The following ACSM1 variants were observed in gnomAD, a reference collection of about 807,000 sequenced individuals.
The protein encoded by ACSM1 is acyl-CoA synthetase medium chain family member 1.
Under a neutral mutation model 75.8 loss-of-function variants are expected in ACSM1, and 79 were observed. That is an observed-to-expected ratio of 1.04 (90% CI 0.87 to 1.26). The LOEUF (loss-of-function observed/expected upper bound fraction) is 1.26, where lower values mean the gene tolerates loss of function less well. Among genes scored for constraint, ACSM1 ranks in the 50% most tolerant of loss-of-function variants. ACSM1 has a pLI of 0.00. For synonymous variants in ACSM1, 279 were observed against 265.8 expected, an observed-to-expected ratio of 1.05 and a Z score of -0.48; for missense variants, 676 against 720.1, an observed-to-expected ratio of 0.94 and a Z score of 0.70.
chr16:20,652,542 G>C (rs1013240823), intron 7 of ACSM1, among the ~76,000 whole-genome samples: 2 of 151,782 alleles, frequency 1.3e-5, no homozygotes, highest in African/African-American at 2.4e-5. Flanking sequence ...ACAAGAAAGA[G>C]GGATATTTAA....
Position 20,640,542 on chromosome 16 carries a change from C to T in ACSM1, c.1035G>A (p.Glu345=). 3.1e-6 allele frequency: 5 copies of T among 1,614,168 alleles called. No homozygotes were observed. Among genetic ancestry groups the T allele is most frequent in the Non-Finnish European group, 3.4e-6 (4 of 1,180,020 alleles). ...PALEHCYTGG[E]VVLPKDQEEW... ...CCTCCTGATCCTTGGGCAACACGACCTCCCCGCCAGTATAGCAGTGCTCCA... is the reference window on the plus strand; with the variant it reads ...CCTCCTGATCCTTGGGCAACACGACTTCCCCGCCAGTATAGCAGTGCTCCA... Residue 345 remains glutamate, a synonymous_variant, in exon 8 of 14, where the codon GAG becomes GAA. Coordinates refer to ENST00000520010, the MANE Select transcript of ACSM1 (RefSeq NM_001318890.3).
Position 20,682,326 on chromosome 16 carries a change from A to AG in ACSM1, c.540dup (p.Ser181LeufsTer10). 6.2e-7 allele frequency: 1 copy of AG among 1,613,958 alleles called. No homozygotes were observed. Among genetic ancestry groups the AG allele is most frequent in the Non-Finnish European group, 8.5e-7 (1 of 1,179,964 alleles). On this transcript the variant is annotated frameshift_variant, in exon 4 of 14. Transcript: ENST00000520010. LOFTEE classifies it high-confidence loss of function. ...GACACCAGGAGCTTGGTTTTCAGAG[A>AG]GGGGCACTGAGAAGCTATGGAGTCC...
intron 6 of ACSM1, among the ~76,000 whole-genome samples, chr16:20,663,931 TC>T (rs1173164533): frequency 6.6e-6 from 1 of 152,088 alleles, no homozygotes; most frequent in African/African-American, 2.4e-5. Flanking sequence ...CTAAGGCCTT[TC>T]CCAGAAATTG....
chr16:20,697,316 C>T (rs1567318230), intron 1 of ACSM1, among the ~76,000 whole-genome samples: 1 of 152,126 alleles, frequency 6.6e-6, no homozygotes, highest in African/African-American at 2.4e-5. Context: ...TTCAAACATT[C>T]ATCTCTGACT....
chr16:20,695,651 T>C (rs1182039534), intron 1 of ACSM1, among the ~76,000 whole-genome samples: 1 of 151,004 alleles, frequency 6.6e-6, no homozygotes, highest in Non-Finnish European at 1.5e-5. Flanking sequence ...TCTATCTATC[T>C]ACCTATTACC....
At chr16:20,651,633 T>TAAAGA (rs1555469062) in intron 7 of ACSM1, among the ~76,000 whole-genome samples, 3 of 151,740 alleles carry the variant, frequency 2.0e-5, no homozygotes, top group Non-Finnish European at 2.9e-5. Flanking sequence ...AAAAAACAAA[T>TAAAGA]AAATAAAATA....
At chr16:20,647,431 C>T (rs2018427852) in intron 7 of ACSM1, among the ~76,000 whole-genome samples, 1 of 152,182 alleles carries the variant, frequency 6.6e-6, no homozygotes, top group South Asian at 2.1e-4. Flanking sequence ...GCAGGAATAT[C>T]ATCACCTCTA....
Position 20,685,846 on chromosome 16 carries a change from AC to A in ACSM1, c.193-444del, listed in dbSNP as rs1567311143. Reference sequence around the variant, plus strand: ...AAAAAAAAAAACAAACAAAAAAAAAACAAAAAACTTATAGCATCAGGAGAGG... The same window carrying A: ...AAAAAAAAAAACAAACAAAAAAAAAAAAAAAACTTATAGCATCAGGAGAGG... On this transcript the variant is annotated intron_variant, in intron 2 of 13. Transcript: ENST00000520010. Among the ~76,000 whole-genome samples, 951 of 102,624 alleles carry A rather than the reference AC, an allele frequency of 9.3e-3. 120 individuals are homozygous for A. Among genetic ancestry groups the A allele is most frequent in the African/African-American group, 0.021 (579 of 27,066 alleles). The allele number at this position is 102,624 out of a possible 152,430, so 67.3% of individuals were successfully genotyped here. A position where few individuals can be genotyped will look rare whatever the true frequency, so the allele number is the denominator to read the frequency against.
At chr16:20,664,652 A>C (rs1420412980) in intron 6 of ACSM1, among the ~76,000 whole-genome samples, 1 of 152,220 alleles carries the variant, frequency 6.6e-6, no homozygotes, top group East Asian at 1.9e-4. Context: ...GACCAATTGG[A>C]CCTAATAGAC....
chr16:20,640,346 A>G (rs1596815632), intron 8 of ACSM1, 115 bp downstream of exon 8: 1 of 1,226,878 alleles, frequency 8.2e-7, no homozygotes, highest in Non-Finnish European at 1.1e-6. Context: ...CCTCAAAATC[A>G]TCTTTGGGGA....
intron 6 of ACSM1, among the ~76,000 whole-genome samples, chr16:20,669,064 G>C (rs984823281): frequency 3.3e-5 from 5 of 152,078 alleles, no homozygotes; most frequent in Non-Finnish European, 4.4e-5. Context: ...CTCTGAGAGG[G>C]AAAGCAAGGG....
rs1337518503 is a variant in ACSM1, at chr16:20,675,496, G to A, written c.612-3825C>T. ...AACTCCTGTAATAGGACCCAGTCTG[G>A]TGGACCTTAGAGTGAAAGTGCACCT... On this transcript the variant is annotated intron_variant, in intron 4 of 13. Transcript: ENST00000520010. 2.0e-5 allele frequency among the ~76,000 whole-genome samples: 3 copies of A among 152,190 alleles called. No homozygotes were observed. The East Asian group carries it at 5.8e-4, about 29-fold the overall frequency.
intron 9 of ACSM1, 37 bp from the exon 10 acceptor site, chr16:20,636,877 G>A (rs763927113): frequency 1.2e-5 from 18 of 1,531,296 alleles, no homozygotes; most frequent in Admixed American, 1.7e-5. Context: ...CACTGCAGGA[G>A]GCCGCAGCCC....
At chr16:20,681,583 T>C (rs895887258) in intron 4 of ACSM1, 2 of 152,208 alleles carry the variant, frequency 1.3e-5, no homozygotes, top group African/African-American at 2.4e-5. Context: ...CAGTAATAAC[T>C]CAACACACTA....
At chr16:20,642,152 T>C (rs1473991340) in intron 7 of ACSM1, among the ~76,000 whole-genome samples, 1 of 152,188 alleles carries the variant, frequency 6.6e-6, no homozygotes, top group Non-Finnish European at 1.5e-5. Flanking sequence ...AGTCTTGGTT[T>C]GGTCAACGTG....
chr16:20,646,221 C>T (rs1260956052), intron 7 of ACSM1, among the ~76,000 whole-genome samples: 1 of 152,166 alleles, frequency 6.6e-6, no homozygotes, highest in East Asian at 1.9e-4. Context: ...CCTAATAGGG[C>T]CTGCTTCCAG....
At chr16:20,647,075 G>T (rs1032350551) in intron 7 of ACSM1, among the ~76,000 whole-genome samples, 2 of 152,224 alleles carry the variant, frequency 1.3e-5, no homozygotes, top group African/African-American at 4.8e-5. Flanking sequence ...CCTTCTGTTA[G>T]AAGGTGCCTG....
At chr16:20,624,842 C>G (rs115913790) in intron 12 of ACSM1, among the ~76,000 whole-genome samples, 5,266 of 151,810 alleles carry the variant, frequency 0.035, 302 homozygotes, top group African/African-American at 0.12. Flanking sequence ...CTACAGGCGC[C>G]CACCCCCCAT....
At chr16:20,682,883 G>A (rs1311231573) in intron 3 of ACSM1, among the ~76,000 whole-genome samples, 3 of 152,016 alleles carry the variant, frequency 2.0e-5, no homozygotes, top group Non-Finnish European at 2.9e-5. Flanking sequence ...TTCCTTGGAT[G>A]TCATCTTGAA....
Sources: allele counts gnomAD v4.1 joint callset (sites outside exome capture counted in the v4.1 genomes callset), GRCh38; gene constraint gnomAD v4.1.1; transcripts MANE v1.5; gene names NCBI Gene and HGNC (gene_info 2026-07-23, HGNC 2026-07-21).